P4HA2: variants seen among roughly 807,000 people sequenced by gnomAD.
The protein encoded by P4HA2 is prolyl 4-hydroxylase subunit alpha-2.
A neutral mutation model predicts 76.9 loss-of-function variants in P4HA2; 46 were observed. The observed-to-expected ratio is 0.60, with a 90% CI of 0.47 to 0.76. The LOEUF is 0.76. P4HA2 is among the 30% of genes least tolerant of loss of function. The probability of loss-of-function intolerance (pLI) is 0.00; values close to 1 mark genes in which losing one functional copy is unlikely to be tolerated. For missense variants in P4HA2, 583 were observed against 669.4 expected (o/e 0.87, Z 1.42); for synonymous variants, 243 against 254.0 (o/e 0.96, Z 0.41).
At chr5:132,219,567 GC>G (rs1754369565) in intron 1 of P4HA2, among the ~76,000 whole-genome samples, 1 of 152,082 alleles carries the variant, frequency 6.6e-6, no homozygotes, top group Non-Finnish European at 1.5e-5. Context: ...CAGCCATGCA[GC>G]CTAGACTGTG....
At chr5:132,214,672 A>T (rs1239533929) in intron 4 of P4HA2, among the ~76,000 whole-genome samples, 1 of 151,932 alleles carries the variant, frequency 6.6e-6, no homozygotes, top group Non-Finnish European at 1.5e-5. Context: ...CAGCTGAAGG[A>T]CCACCTAGAC....
chr5:132,224,824 C>T (rs1228220113), intron 1 of P4HA2, among the ~76,000 whole-genome samples: 1 of 152,062 alleles, frequency 6.6e-6, no homozygotes, highest in Non-Finnish European at 1.5e-5. Context: ...ACACCCTGGC[C>T]CTCAGAGTGC....
At chr5:132,207,596 A>C in intron 8 of P4HA2, 112 bp downstream of exon 8, 1 of 806,046 alleles carries the variant, frequency 1.2e-6, no homozygotes, top group Non-Finnish European at 2.1e-6. Context: ...GGCCCATGCT[A>C]GATATGGATA....
At chr5:132,214,088 T>G (rs538870981) in intron 4 of P4HA2, 35 bp from the exon 5 acceptor site, 2 of 1,607,562 alleles carry the variant, frequency 1.2e-6, no homozygotes, top group Non-Finnish European at 1.7e-6. Context: ...AGATTACCCT[T>G]GATCCAGGGG....
At position 132,227,819 on chromosome 5, in the gene P4HA2, G is replaced by A. The variant is rs1755612531; in HGVS notation, c.-48C>T. The A allele has an allele frequency of 6.6e-6, 1 of 152,220 alleles. No homozygotes were observed. 9.4% of individuals were successfully genotyped at this position (152,220 alleles called of 1,614,324 possible). ...ACACTCGCAGCTCCCGGCGTTTCCA[G>A]AACCTCCCGCGGCGTCGCCCGGTCA... On this transcript the variant is annotated 5_prime_UTR_variant, in exon 1 of 15. Transcript: ENST00000360568.
chr5:132,216,237 A>G (rs1753877255), intron 4 of P4HA2, among the ~76,000 whole-genome samples: 1 of 150,606 alleles, frequency 6.6e-6, no homozygotes, highest in Non-Finnish European at 1.5e-5. Flanking sequence ...AGGAGAGCCC[A>G]CCTCCAGGCC....
rs1337168459 is a variant in P4HA2 at position 132,198,371 on chromosome 5, CA to C, written c.1314del (p.Phe438LeufsTer12). Reference protein sequence around the residue: ...EPHFDFSRRPFDSGLKTEGNR... With the variant: ...EPHFDFSRRPXDSGLKTEGNR... ...TTCCCCTCTGTTTTGAGGCCGCTGT[CA>C]AAAGGTCGCTGCAACAGACAACAAC... On this transcript the variant is annotated frameshift_variant, in exon 12 of 15. Transcript: ENST00000360568. LOFTEE classifies it high-confidence loss of function. The C allele has an allele frequency of 6.2e-7, 1 of 1,613,240 alleles. No homozygotes were observed. Among genetic ancestry groups the C allele is most frequent in the African/African-American group, 1.3e-5 (1 of 74,906 alleles).
Position 132,204,158 on chromosome 5 carries a change from AG to A in P4HA2, c.1081-7del. 6.2e-7 allele frequency: 1 copy of A among 1,607,368 alleles called. No homozygotes were observed. The highest frequency in any genetic ancestry group is 8.5e-7 in the Non-Finnish European group (1 of 1,173,768). On this transcript the variant is annotated splice_region_variant and splice_polypyrimidine_tract_variant and intron_variant, in intron 8 of 14. Transcript: ENST00000360568. ...CGAACGGTGGCTCGTGCAAGCTAGAAGGAAGGAGGAGAGGGAAGACTTGATT... is the reference window on the plus strand; with the variant it reads ...CGAACGGTGGCTCGTGCAAGCTAGAAGAAGGAGGAGAGGGAAGACTTGATT...
intron 14 of P4HA2, 181 bp from the exon 15 acceptor site, chr5:132,193,261 T>G: frequency 1.8e-6 from 1 of 559,378 alleles, no homozygotes; most frequent in Non-Finnish European, 3.2e-6. Context: ...AACAGATAAT[T>G]GTATGAAATT....
Position 132,208,845 on chromosome 5 carries a change from T to C in P4HA2, c.903+293A>G, listed in dbSNP as rs532396473. ...TTGGGGCCTGAGGTACGTCCACCCA[T>C]TGTTTTCTTCCCAACAGTGAGTGAA... On this transcript the variant is annotated intron_variant, in intron 7 of 14. Coordinates refer to ENST00000360568, the MANE Select transcript of P4HA2 (RefSeq NM_001017974.2). Among the ~76,000 whole-genome samples, 6 of 152,106 alleles carry C rather than the reference T, an allele frequency of 3.9e-5. No homozygotes were observed. In the East Asian group the frequency reaches 1.2e-3, roughly 30 times the overall value.
rs1751091074 is a variant in P4HA2 at position 132,198,908 on chromosome 5, G to C, written c.1276C>G (p.Gln426Glu). 6.2e-7 allele frequency: 1 copy of C among 1,612,590 alleles called. No homozygotes were observed. The highest frequency in any genetic ancestry group is 8.5e-7 in the Non-Finnish European group (1 of 1,178,730). ...GAGAAGTCGAAGTGCGGTTCATACT[G>C]TCCTCCCACTCCATAATTTGCAACC... ...LQVANYGVGGQYEPHFDFSRR... is the reference protein window; with the variant it reads ...LQVANYGVGGEYEPHFDFSRR... The change falls in exon 11 of 15, where the codon CAG becomes GAG. Residue 426 changes from glutamine to glutamate, a missense_variant. Transcript: ENST00000360568.
At chr5:132,212,571 C>T (rs1300497460) in intron 5 of P4HA2, among the ~76,000 whole-genome samples, 1 of 152,090 alleles carries the variant, frequency 6.6e-6, no homozygotes, top group Non-Finnish European at 1.5e-5. Flanking sequence ...ACATGAAGTT[C>T]GAGAAGTCCA....
In P4HA2 at chr5:132,218,565, G is replaced by T; in HGVS notation, c.62C>A (p.Ala21Asp). The change falls in exon 2 of 15, where the codon GCC becomes GAC. Residue 21 changes from alanine to aspartate, a missense_variant. Ala to Asp is a moderately radical substitution (Grantham distance 126). Transcript: ENST00000360568. ...CGTACCAATAGAGGTGAAGAATTCG[G>T]CCTGCACACAGCTCAGGACACCAAA... is the stretch of plus-strand genomic sequence containing the variant. ...AWFGVLSCVQ[A>D]EFFTSIGHMT... 4 of 1,613,170 alleles carry T rather than the reference G, an allele frequency of 2.5e-6. No homozygotes were observed. Among genetic ancestry groups the T allele is most frequent in the Non-Finnish European group, 3.4e-6 (4 of 1,179,154 alleles).
chr5:132,209,532 C>A (rs2126587857), intron 6 of P4HA2, among the ~76,000 whole-genome samples: 1 of 152,240 alleles, frequency 6.6e-6, no homozygotes, highest in Middle Eastern at 3.4e-3. Context: ...CCTGCAATCC[C>A]AGCACTTTGG....
At position 132,209,449 on chromosome 5, in the gene P4HA2, C is replaced by G. The variant is rs1752739508; in HGVS notation, c.710-118G>C. 3 of 828,972 alleles carry G rather than the reference C, an allele frequency of 3.6e-6. No individual in the cohort carries two copies. The African/African-American group carries it at 5.1e-5, about 14-fold the overall frequency. The allele number at this position is 828,972 out of a possible 1,614,324, so 51.4% of individuals were successfully genotyped here. A position where few individuals can be genotyped will look rare whatever the true frequency, so the allele number is the denominator to read the frequency against. On this transcript the variant is annotated intron_variant, in intron 6 of 14. Coordinates refer to ENST00000360568, the MANE Select transcript of P4HA2 (RefSeq NM_001017974.2). ...AGCTCACCTGCATGCTGCATTCTAC[C>G]TTCCACAGCATCTAACCAGAGTACG...
At chr5:132,214,116 C>A (rs1580722174) in intron 4 of P4HA2, 63 bp from the exon 5 acceptor site, 1 of 1,542,592 alleles carries the variant, frequency 6.5e-7, no homozygotes, top group Non-Finnish European at 8.9e-7. Context: ...CCACTTGGGA[C>A]CAGAGAGGCA....
chr5:132,212,723 C>A (rs1580715739), intron 5 of P4HA2, among the ~76,000 whole-genome samples: 1 of 152,278 alleles, frequency 6.6e-6, no homozygotes, highest in Non-Finnish European at 1.5e-5. Context: ...GGGGAAGGTG[C>A]TCAGGGAGAA....
chr5:132,209,407 A>C (rs1475853472), intron 6 of P4HA2, 76 bp from the exon 7 acceptor site: 22 of 1,209,690 alleles, frequency 1.8e-5, no homozygotes, highest in Non-Finnish European at 1.4e-5. Flanking sequence ...TTATTCTGTA[A>C]GGGTTTCTCT....
intron 5 of P4HA2, 127 bp from the exon 6 acceptor site, chr5:132,210,650 T>C (rs1002506362): frequency 2.7e-5 from 24 of 883,700 alleles, no homozygotes; most frequent in Non-Finnish European, 4.1e-5. Flanking sequence ...ATCGGACATT[T>C]AGACTGCATA....
Sources: allele counts gnomAD v4.1 joint callset (sites outside exome capture counted in the v4.1 genomes callset), GRCh38; gene constraint gnomAD v4.1.1; transcripts MANE v1.5; gene names NCBI Gene and HGNC (gene_info 2026-07-23, HGNC 2026-07-21).